PSMA3: variants seen among roughly 807,000 people sequenced by gnomAD.
The protein encoded by PSMA3 is proteasome subunit alpha type-3.
A neutral mutation model predicts 40.0 loss-of-function variants in PSMA3; 8 were observed. That is an observed-to-expected ratio of 0.20 (90% confidence interval 0.12 to 0.36). The LOEUF is 0.36. Among genes scored for constraint, PSMA3 ranks in the 10% least tolerant of loss-of-function variants. The pLI is 1.00. For synonymous variants in PSMA3, 110 were observed against 100.0 expected (o/e 1.10, Z -0.59); for missense variants, 219 against 310.6 (o/e 0.70, Z 2.22).
At chr14:58,245,141 A>G in intron 1 of PSMA3, 200 bp downstream of exon 1, 1 of 638,978 alleles carries the variant, frequency 1.6e-6, no homozygotes, top group Non-Finnish European at 2.7e-6. Flanking sequence ...GTGACTCCTG[A>G]AGCTTTTCAG....
chr14:58,266,122 T>C (rs1293678861), intron 7 of PSMA3: 1 of 151,750 alleles, frequency 6.6e-6, no homozygotes, highest in Admixed American at 6.6e-5. Flanking sequence ...CCCAAAATAT[T>C]TGAGTCCATG....
chr14:58,245,328 C>G (rs774024952), intron 1 of PSMA3: 64 of 231,966 alleles, frequency 2.8e-4, no homozygotes, highest in Admixed American at 1.7e-3. Flanking sequence ...GTCTGGAGAT[C>G]GTGCTTTTTG....
At chr14:58,256,294 A>C in intron 3 of PSMA3, among the ~76,000 whole-genome samples, 1 of 152,156 alleles carries the variant, frequency 6.6e-6, no homozygotes, top group East Asian at 1.9e-4. Context: ...TCTCGTCTAA[A>C]ATGCTTGGGA....
chr14:58,248,792 T>TA (rs112170207), intron 2 of PSMA3, among the ~76,000 whole-genome samples: 25,101 of 151,182 alleles, frequency 0.17, 2,468 homozygotes, highest in African/African-American at 0.27. Context: ...CTGTCTCTAC[T>TA]AAAAAATAAC....
rs112146406 is a variant in PSMA3 at position 58,261,020 on chromosome 14, C to T, written c.477C>T (p.Tyr159=). The change falls in exon 6 of 11, where the codon TAC becomes TAT. Residue 159 remains tyrosine, a splice_region_variant and synonymous_variant. Coordinates refer to ENST00000216455, the MANE Select transcript of PSMA3 (RefSeq NM_002788.4). The part of the protein sequence containing the change: ...LYMIDPSGVS[Y]GYWGCAIGKA... ...TGATTGACCCATCAGGTGTTTCATA[C>T]GTGAGTAATTTTGAATCATTTGAAA... is the stretch of plus-strand genomic sequence containing the variant. 2,488 of 1,594,044 alleles carry T rather than the reference C, an allele frequency of 1.6e-3. 42 individuals are homozygous for T. The African/African-American group carries it at 0.029, about 18-fold the overall frequency.
At chr14:58,254,192 A>G (rs1393329704) in intron 3 of PSMA3, among the ~76,000 whole-genome samples, 2 of 151,314 alleles carry the variant, frequency 1.3e-5, no homozygotes, top group African/African-American at 4.9e-5. Flanking sequence ...TGCTAAGAAT[A>G]ATGCTGAACA....
intron 3 of PSMA3, 34 bp downstream of exon 3, chr14:58,252,276 T>G (rs371406159): frequency 5.7e-5 from 91 of 1,591,470 alleles, no homozygotes; most frequent in Non-Finnish European, 7.5e-5. Flanking sequence ...CTTTTTGTCT[T>G]GTCCAATTTC....
intron 6 of PSMA3, 54 bp downstream of exon 6, chr14:58,261,074 A>G: frequency 8.4e-7 from 1 of 1,193,382 alleles, no homozygotes; most frequent in Non-Finnish European, 1.2e-6. Flanking sequence ...GTATTTCATT[A>G]GCATTTAAGT....
intron 8 of PSMA3, 41 bp from the exon 9 acceptor site, chr14:58,270,377 T>G: frequency 6.2e-7 from 1 of 1,611,290 alleles, no homozygotes; most frequent in Non-Finnish European, 8.5e-7. Flanking sequence ...CTTCAATGTT[T>G]GGAGGTTACC....
intron 2 of PSMA3, among the ~76,000 whole-genome samples, chr14:58,248,383 C>T (rs1220492132): frequency 6.6e-6 from 1 of 152,108 alleles, no homozygotes; most frequent in Non-Finnish European, 1.5e-5. Context: ...GCATGTGCCA[C>T]CATGCCCGGA....
At chr14:58,263,416 A>T (rs1439262188) in intron 6 of PSMA3, 1 of 215,458 alleles carries the variant, frequency 4.6e-6, no homozygotes, top group Non-Finnish European at 9.1e-6. Flanking sequence ...ATAGTGCTAA[A>T]ATCTTTTCCG....
chr14:58,270,556 C>A, intron 9 of PSMA3, 71 bp downstream of exon 9: 6 of 1,599,042 alleles, frequency 3.8e-6, no homozygotes, highest in Non-Finnish European at 5.1e-6. Context: ...ACTGAGTGTC[C>A]TTTCTAATAT....
chr14:58,262,630 TTGGCTCACTGTAACCTC>T (rs1322006855), intron 6 of PSMA3, among the ~76,000 whole-genome samples: 2 of 151,804 alleles, frequency 1.3e-5, no homozygotes, highest in Non-Finnish European at 2.9e-5. Flanking sequence ...TGGTGCAATC[TTGGCTCACTGTAACCTC>T]TGCCTCCCGG....
At position 58,244,880 on chromosome 14, in the gene PSMA3, C is replaced by A. The variant is rs375729415; in HGVS notation, c.-41C>A. The A allele has an allele frequency of 2.7e-5, 44 of 1,614,044 alleles. No homozygotes were observed. Among genetic ancestry groups the A allele is most frequent in the Non-Finnish European group, 3.6e-5 (43 of 1,180,012 alleles). On this transcript the variant is annotated 5_prime_UTR_variant, in exon 1 of 11. Coordinates refer to ENST00000216455, the MANE Select transcript of PSMA3 (RefSeq NM_002788.4). ...CATCCTGTGGTATAGGGGAAGCGCTCCGGGCCTGGAATCCCTACGCGTCCC... is the reference window on the plus strand; with the variant it reads ...CATCCTGTGGTATAGGGGAAGCGCTACGGGCCTGGAATCCCTACGCGTCCC...
Position 58,249,397 on chromosome 14 carries a change from C to A in PSMA3, c.104+1565C>A, listed in dbSNP as rs192030458. ...GGCATGGTCTCACTCACTATGTTGC[C>A]TCGGCTGGTCTTGAACTTTTGGGCT... On this transcript the variant is annotated intron_variant, in intron 2 of 10. Coordinates refer to ENST00000216455, the MANE Select transcript of PSMA3 (RefSeq NM_002788.4). Among the ~76,000 whole-genome samples, 22 of 152,198 alleles carry A rather than the reference C, an allele frequency of 1.4e-4. No individual in the cohort carries two copies. The East Asian group carries it at 4.2e-3, about 29-fold the overall frequency.
At chr14:58,252,392 A>G in intron 3 of PSMA3, 150 bp downstream of exon 3, 3 of 1,089,148 alleles carry the variant, frequency 2.8e-6, no homozygotes, top group Middle Eastern at 3.1e-4. Flanking sequence ...CAGCATTCTC[A>G]TAACCTTATT....
At chr14:58,250,136 C>T (rs1275880108) in intron 2 of PSMA3, among the ~76,000 whole-genome samples, 1 of 151,018 alleles carries the variant, frequency 6.6e-6, no homozygotes, top group Non-Finnish European at 1.5e-5. Flanking sequence ...AGGAGAATCA[C>T]TTGAACCCGG....
chr14:58,257,696 AT>A, intron 3 of PSMA3, 48 bp from the exon 4 acceptor site: 1 of 1,473,642 alleles, frequency 6.8e-7, no homozygotes, highest in Non-Finnish European at 9.4e-7. Flanking sequence ...GCAGACTTTG[AT>A]TTGTGATAGG....
intron 3 of PSMA3, among the ~76,000 whole-genome samples, chr14:58,257,371 G>A (rs8020892): frequency 0.7 from 106,446 of 151,386 alleles, 37,783 homozygotes; most frequent in Middle Eastern, 0.87. Flanking sequence ...GGTGGCAGGC[G>A]CCTGTAGTCC....
Sources: gnomAD v4.1 joint callset for allele counts (sites outside exome capture counted in the v4.1 genomes callset) on GRCh38, gnomAD v4.1.1 for gene constraint, MANE v1.5 for transcripts, NCBI Gene and HGNC (gene_info 2026-07-23, HGNC 2026-07-21) for gene names.